Variants in STK32B observed in about 807,000 individuals in gnomAD.
The protein encoded by STK32B is serine/threonine-protein kinase 32B.
Under a neutral mutation model 52.6 loss-of-function variants are expected in STK32B, and 43 were observed. That is an observed-to-expected ratio of 0.82 (90% CI 0.64 to 1.05). The LOEUF is 1.05. Ranked by LOEUF, STK32B falls within the 50% of genes least tolerant of loss-of-function variation. The pLI, the probability that STK32B is intolerant of heterozygous loss-of-function variation, is 0.00. For missense variants in STK32B, 621 were observed against 534.6 expected, an observed-to-expected ratio of 1.16 and a Z score of -1.59; for synonymous variants, 238 against 204.3, an observed-to-expected ratio of 1.17 and a Z score of -1.41.
At chr4:5,279,687 G>A (rs1489069662) in intron 3 of STK32B, among the ~76,000 whole-genome samples, 1 of 152,210 alleles carries the variant, frequency 6.6e-6, no homozygotes, top group Non-Finnish European at 1.5e-5. Flanking sequence ...TTCTCCATGA[G>A]GGCTCCGCCA....
intron 11 of STK32B, among the ~76,000 whole-genome samples, chr4:5,496,833 A>G (rs1219159923): frequency 6.6e-6 from 1 of 152,094 alleles, no homozygotes; most frequent in East Asian, 1.9e-4. Context: ...CATGAAGATC[A>G]AAGTGATTTT....
chr4:5,069,646 T>A (rs1711628962), intron 1 of STK32B, among the ~76,000 whole-genome samples: 1 of 152,194 alleles, frequency 6.6e-6, no homozygotes, highest in Non-Finnish European at 1.5e-5. Flanking sequence ...AAAGTGAGGG[T>A]TAAATGGTAC....
chr4:5,225,519 C>G (rs1351466993), intron 3 of STK32B, among the ~76,000 whole-genome samples: 1 of 152,154 alleles, frequency 6.6e-6, no homozygotes, highest in African/African-American at 2.4e-5. Flanking sequence ...GTTTCACTTT[C>G]CATGGTTTCA....
chr4:5,258,236 A>G (rs1726464637), intron 3 of STK32B, among the ~76,000 whole-genome samples: 1 of 152,194 alleles, frequency 6.6e-6, no homozygotes, highest in Non-Finnish European at 1.5e-5. Context: ...ATCTGAGTTA[A>G]ACGTGCAGGG....
At chr4:5,342,675 G>A (rs191249958) in intron 4 of STK32B, among the ~76,000 whole-genome samples, 33 of 152,300 alleles carry the variant, frequency 2.2e-4, no homozygotes, top group Admixed American at 1.9e-3. Context: ...ATCAACATGG[G>A]ATTTGGGCAG....
chr4:5,334,174 C>T (rs1428491087), intron 4 of STK32B, among the ~76,000 whole-genome samples: 2 of 151,900 alleles, frequency 1.3e-5, no homozygotes, highest in African/African-American at 2.4e-5. Flanking sequence ...TTGTAGTTCT[C>T]CTTGAAGAGG....
chr4:5,326,188 T>A (rs1255976268), intron 3 of STK32B, among the ~76,000 whole-genome samples: 1 of 152,222 alleles, frequency 6.6e-6, no homozygotes, highest in East Asian at 1.9e-4. Flanking sequence ...AGTACAGAAC[T>A]CGCTGGTTAT....
chr4:5,492,935 C>T (rs1256904400), intron 11 of STK32B, among the ~76,000 whole-genome samples: 1 of 151,080 alleles, frequency 6.6e-6, no homozygotes, highest in African/African-American at 2.5e-5. Context: ...CCCACTTGAT[C>T]ATGGTGGATA....
rs1269696802 is a variant in STK32B, at chr4:5,401,210, G to A, written c.472+2966G>A. Among the ~76,000 whole-genome samples the A allele has an allele frequency of 2.0e-5, 3 of 152,280 alleles. No homozygotes were observed. In the East Asian group the frequency reaches 5.8e-4, roughly 29 times the overall value. ...CATGACCTAGCCATAAGATGAGCAG[G>A]ACAGTATGTGTTCCTAAATGAGTCC... On this transcript the variant is annotated intron_variant, in intron 5 of 11. Coordinates refer to ENST00000282908, the MANE Select transcript of STK32B (RefSeq NM_018401.3).
chr4:5,052,365 G>A (rs562406228), intron 1 of STK32B, among the ~76,000 whole-genome samples: 1 of 152,112 alleles, frequency 6.6e-6, no homozygotes, highest in Non-Finnish European at 1.5e-5. Context: ...ATTTGGTCTC[G>A]TGCAAGGGCC....
intron 1 of STK32B, among the ~76,000 whole-genome samples, chr4:5,080,082 A>C (rs1712324691): frequency 6.6e-6 from 1 of 152,134 alleles, no homozygotes; most frequent in South Asian, 2.1e-4. Flanking sequence ...TATTGTAGCC[A>C]GGTCTCAGCA....
Position 5,106,074 on chromosome 4 carries a change from G to A in STK32B, c.53-33831G>A, listed in dbSNP as rs562078372. Among the ~76,000 whole-genome samples, 3 of 151,778 alleles carry A rather than the reference G, an allele frequency of 2.0e-5. No homozygotes were observed. The South Asian group carries it at 6.3e-4, about 32-fold the overall frequency. Reference sequence around the variant, plus strand: ...TCCCAGCACTTTGGGAGGCCGAGGCGGGGGGATCACTTGACATCAAGAGTT... The same window carrying A: ...TCCCAGCACTTTGGGAGGCCGAGGCAGGGGGATCACTTGACATCAAGAGTT... On this transcript the variant is annotated intron_variant, in intron 1 of 11. Transcript: ENST00000282908.
At chr4:5,402,271 G>T in intron 5 of STK32B, among the ~76,000 whole-genome samples, 1 of 152,178 alleles carries the variant, frequency 6.6e-6, no homozygotes, top group East Asian at 1.9e-4. Context: ...TTGCCTAACA[G>T]GAGGGTGATG....
At chr4:5,170,293 CT>C (rs1368743230) in intron 3 of STK32B, among the ~76,000 whole-genome samples, 18 of 151,750 alleles carry the variant, frequency 1.2e-4, no homozygotes, top group Middle Eastern at 3.4e-3. Context: ...ACTTAGGCAC[CT>C]TTTTTTATTT....
intron 3 of STK32B, among the ~76,000 whole-genome samples, chr4:5,294,410 G>A (rs757122626): frequency 6.6e-6 from 1 of 152,090 alleles, no homozygotes; most frequent in Non-Finnish European, 1.5e-5. Flanking sequence ...CATGACCATG[G>A]ATTGTTTTTC....
At chr4:5,064,169 CTTTCCTTGTGG>C (rs1378844700) in intron 1 of STK32B, among the ~76,000 whole-genome samples, 99 of 150,496 alleles carry the variant, frequency 6.6e-4, no homozygotes, top group African/African-American at 1.0e-3. Flanking sequence ...ACTTATTAAG[CTTTCCTTGTGG>C]TTTCCTTGTG....
At chr4:5,464,856 ATTT>A (rs879670332) in intron 9 of STK32B, among the ~76,000 whole-genome samples, 13 of 152,202 alleles carry the variant, frequency 8.5e-5, no homozygotes, top group Non-Finnish European at 1.8e-4. Context: ...GAGCCTGCAT[ATTT>A]ATGAACGAAT....
intron 3 of STK32B, among the ~76,000 whole-genome samples, chr4:5,310,938 A>G (rs1030367699): frequency 1.3e-5 from 2 of 152,228 alleles, no homozygotes; most frequent in African/African-American, 4.8e-5. Flanking sequence ...AGCCAGGCAC[A>G]GTAAAGAAAA....
At chr4:5,195,039 A>G (rs576733603) in intron 3 of STK32B, among the ~76,000 whole-genome samples, 80 of 152,168 alleles carry the variant, frequency 5.3e-4, no homozygotes, top group African/African-American at 1.9e-3. Context: ...ACAGATCCAA[A>G]CCATATCAAA....
Sources: allele counts gnomAD v4.1 joint callset (sites outside exome capture counted in the v4.1 genomes callset), GRCh38; gene constraint gnomAD v4.1.1; transcripts MANE v1.5; gene names NCBI Gene and HGNC (gene_info 2026-07-23, HGNC 2026-07-21).